PDGFD: variants seen among roughly 807,000 people sequenced by gnomAD.
PDGFD encodes the protein platelet derived growth factor D.
Under a neutral mutation model 44.7 loss-of-function variants are expected in PDGFD, and 30 were observed. That is an observed-to-expected ratio of 0.67 (90% CI 0.50 to 0.91). The LOEUF is 0.91. Ranked by LOEUF, PDGFD falls within the 40% of genes least tolerant of loss-of-function variation. PDGFD has a pLI of 0.00. For synonymous variants in PDGFD, 173 were observed against 168.4 expected, an observed-to-expected ratio of 1.03 and a Z score of -0.21; for missense variants, 445 against 457.8, an observed-to-expected ratio of 0.97 and a Z score of 0.25.
intron 1 of PDGFD, among the ~76,000 whole-genome samples, chr11:104,044,475 T>C (rs1404048193): frequency 6.6e-6 from 1 of 152,140 alleles, no homozygotes; most frequent in African/African-American, 2.4e-5. Flanking sequence ...TTGACTTAGC[T>C]ATATAAAAAA....
At chr11:104,094,905 C>T (rs1861260720) in intron 1 of PDGFD, among the ~76,000 whole-genome samples, 1 of 152,058 alleles carries the variant, frequency 6.6e-6, no homozygotes. Context: ...CATAAAAATG[C>T]CCACAAAACT....
chr11:103,924,965 C>T (rs973110392), intron 6 of PDGFD, among the ~76,000 whole-genome samples: 2 of 151,910 alleles, frequency 1.3e-5, no homozygotes, highest in East Asian at 1.9e-4. Flanking sequence ...CCTCCCCCAA[C>T]CCCCAACCCA....
At chr11:104,147,970 A>G (rs576227069) in intron 1 of PDGFD, among the ~76,000 whole-genome samples, 3 of 152,332 alleles carry the variant, frequency 2.0e-5, no homozygotes, top group African/African-American at 7.2e-5. Flanking sequence ...AAATGAAAAG[A>G]AGTATCAATG....
At chr11:104,022,001 T>C (rs1459777479) in intron 1 of PDGFD, among the ~76,000 whole-genome samples, 1 of 152,138 alleles carries the variant, frequency 6.6e-6, no homozygotes, top group African/African-American at 2.4e-5. Flanking sequence ...GAAACAACCA[T>C]TCTTCCTTAT....
intron 1 of PDGFD, among the ~76,000 whole-genome samples, chr11:104,095,009 A>G (rs140525066): frequency 1.9e-4 from 29 of 152,216 alleles, no homozygotes; most frequent in African/African-American, 6.5e-4. Context: ...CAAAGGCATC[A>G]AGATCTTTTC....
chr11:104,032,014 G>C (rs1463542700), intron 1 of PDGFD, among the ~76,000 whole-genome samples: 1 of 152,116 alleles, frequency 6.6e-6, no homozygotes, highest in African/African-American at 2.4e-5. Context: ...GGGCAGGGGA[G>C]AGCATGAGGA....
intron 1 of PDGFD, among the ~76,000 whole-genome samples, chr11:104,156,622 C>T (rs896693774): frequency 2.0e-5 from 3 of 152,118 alleles, no homozygotes; most frequent in African/African-American, 7.2e-5. Context: ...CTAAACTGCA[C>T]ACCCCACAAA....
intron 1 of PDGFD, among the ~76,000 whole-genome samples, chr11:104,092,055 A>G (rs1208444516): frequency 2.0e-5 from 3 of 151,978 alleles, no homozygotes; most frequent in Non-Finnish European, 2.9e-5. Context: ...TTTCTAGTTT[A>G]AAGATGAAGA....
At chr11:104,141,655 T>C (rs1364729894) in intron 1 of PDGFD, among the ~76,000 whole-genome samples, 3 of 152,140 alleles carry the variant, frequency 2.0e-5, no homozygotes, top group African/African-American at 4.8e-5. Flanking sequence ...GTATTATCCA[T>C]GTGAGCCCTA....
At chr11:104,025,617 G>C (rs983976400) in intron 1 of PDGFD, among the ~76,000 whole-genome samples, 3 of 152,094 alleles carry the variant, frequency 2.0e-5, no homozygotes, top group African/African-American at 7.2e-5. Context: ...TTCCCCTAGG[G>C]GTATGAAAGC....
intron 3 of PDGFD, among the ~76,000 whole-genome samples, chr11:103,951,749 T>C (rs1301080494): frequency 6.6e-6 from 1 of 152,232 alleles, no homozygotes; most frequent in East Asian, 1.9e-4. Context: ...TCTGCTCAAA[T>C]ATCTAACATC....
chr11:104,164,144 T>G lies in PDGFD; in HGVS notation c.-217A>C. The G allele has an allele frequency of 2.5e-6, 1 of 396,614 alleles. No homozygotes were observed. The allele number at this position is 396,614 out of a possible 1,614,324, so 24.6% of individuals were successfully genotyped here. A position where few individuals can be genotyped will look rare whatever the true frequency, so the allele number is the denominator to read the frequency against. ...TTCCTTGTGGTGCTGAGCTGATAAA[T>G]GGTGACGGGACAAACAACAGGTTGA... On this transcript the variant is annotated 5_prime_UTR_variant, in exon 1 of 7. Transcript: ENST00000393158.
chr11:104,010,829 A>C (rs1245144406), intron 1 of PDGFD, among the ~76,000 whole-genome samples: 1 of 152,124 alleles, frequency 6.6e-6, no homozygotes, highest in Non-Finnish European at 1.5e-5. Context: ...GAAATGTTGA[A>C]TGGCATGGTA....
At chr11:104,086,995 T>C (rs1326256145) in intron 1 of PDGFD, among the ~76,000 whole-genome samples, 1 of 148,574 alleles carries the variant, frequency 6.7e-6, no homozygotes, top group Non-Finnish European at 1.5e-5. Context: ...GAAAGAACAG[T>C]TCCCTCTTGT....
At chr11:104,009,432 T>TATC (rs1325812177) in intron 1 of PDGFD, among the ~76,000 whole-genome samples, 3 of 148,074 alleles carry the variant, frequency 2.0e-5, no homozygotes, top group Non-Finnish European at 4.5e-5. Flanking sequence ...GCAAATGCAT[T>TATC]ATTATTATTA....
intron 1 of PDGFD, among the ~76,000 whole-genome samples, chr11:104,150,665 C>T (rs1862230011): frequency 1.3e-5 from 2 of 152,180 alleles, no homozygotes; most frequent in Non-Finnish European, 2.9e-5. Context: ...CTTTCCTCTT[C>T]CAGCTCCTGT....
intron 1 of PDGFD, among the ~76,000 whole-genome samples, chr11:104,020,184 G>C (rs970600789): frequency 6.6e-6 from 1 of 152,250 alleles, no homozygotes; most frequent in East Asian, 1.9e-4. Flanking sequence ...AAAATGTAGA[G>C]ATGGAGACAT....
intron 1 of PDGFD, among the ~76,000 whole-genome samples, chr11:104,070,632 AAAT>A (rs1860859620): frequency 6.6e-6 from 1 of 152,178 alleles, no homozygotes; most frequent in Non-Finnish European, 1.5e-5. Context: ...CTCATTTGTA[AAAT>A]AATATGACAG....
At chr11:103,938,159 C>T (rs574609678) in intron 5 of PDGFD, among the ~76,000 whole-genome samples, 94 of 152,064 alleles carry the variant, frequency 6.2e-4, no homozygotes, top group African/African-American at 2.2e-3. Flanking sequence ...AACTAGTTCA[C>T]AGTCCCACCA....
Sources: gnomAD v4.1 joint callset for allele counts (sites outside exome capture counted in the v4.1 genomes callset) on GRCh38, gnomAD v4.1.1 for gene constraint, MANE v1.5 for transcripts, NCBI Gene and HGNC (gene_info 2026-07-23, HGNC 2026-07-21) for gene names.